The following NELL1 variants were observed in gnomAD, a reference collection of about 807,000 sequenced individuals.
NELL1 encodes the protein neural EGFL like 1, also known as protein kinase C-binding protein NELL1.
In NELL1, 76 loss-of-function variants were observed where a neutral mutation model predicts 107.4. That is an observed-to-expected ratio of 0.71 (90% CI 0.59 to 0.86). The LOEUF (loss-of-function observed/expected upper bound fraction) is 0.86. Among genes scored for constraint, NELL1 ranks in the 40% least tolerant of loss-of-function variants. The pLI is 0.00. For missense variants in NELL1, 1,024 were observed against 1,005.5 expected (o/e 1.02, Z -0.25); for synonymous variants, 353 against 341.2 (o/e 1.03, Z -0.38).
intron 2 of NELL1, among the ~76,000 whole-genome samples, chr11:20,697,887 G>T (rs951743840): frequency 2.0e-5 from 3 of 152,106 alleles, no homozygotes; most frequent in Non-Finnish European, 4.4e-5. Flanking sequence ...TCACAAAACC[G>T]TGCTTGAGGT....
In NELL1 at chr11:21,413,841, T is replaced by G. The variant is rs142249275; in HGVS notation, c.1645+42893T>G. 3.6e-4 allele frequency among the ~76,000 whole-genome samples: 55 copies of G among 152,082 alleles called. No homozygotes were observed. In the East Asian group the frequency reaches 9.9e-3, roughly 27 times the overall value. On this transcript the variant is annotated intron_variant, in intron 15 of 19. Transcript: ENST00000357134. Reference sequence around the variant, plus strand: ...CAATTTGAATCAATCCTTCCAGAGGTAAAATGCAGGCCATATTTCATCAGC... The same window carrying G: ...CAATTTGAATCAATCCTTCCAGAGGGAAAATGCAGGCCATATTTCATCAGC...
intron 13 of NELL1, among the ~76,000 whole-genome samples, chr11:21,212,150 AC>A (rs1857511096): frequency 6.6e-6 from 1 of 152,058 alleles, no homozygotes; most frequent in Non-Finnish European, 1.5e-5. Flanking sequence ...GATAGTGGCT[AC>A]CCTGGTTTGA....
chr11:21,566,290 G>GA (rs1218885878), intron 17 of NELL1, among the ~76,000 whole-genome samples: 2 of 151,008 alleles, frequency 1.3e-5, no homozygotes, highest in African/African-American at 2.4e-5. Context: ...CTCTATGGCA[G>GA]AAAAAAAATG....
intron 3 of NELL1, among the ~76,000 whole-genome samples, chr11:20,816,027 A>G (rs1590321430): frequency 6.6e-6 from 1 of 152,130 alleles, no homozygotes; most frequent in South Asian, 2.1e-4. Flanking sequence ...CTGTTTTTGT[A>G]CCAGTACCTT....
In NELL1 at chr11:20,895,037, C is replaced by T. The variant is rs902470576; in HGVS notation, c.603+9497C>T. Among the ~76,000 whole-genome samples the T allele has an allele frequency of 3.5e-4, 52 of 149,456 alleles. 2 individuals are homozygous for T. The highest frequency in any genetic ancestry group is 1.2e-3 in the African/African-American group (49 of 39,744). ...CTGTAATCCCAGCACTTTGGGAGGCCGAGGCGGGCGGATCACGAGGTCAGG... is the reference window on the plus strand; with the variant it reads ...CTGTAATCCCAGCACTTTGGGAGGCTGAGGCGGGCGGATCACGAGGTCAGG... On this transcript the variant is annotated intron_variant, in intron 5 of 19. Transcript: ENST00000357134.
At chr11:21,391,029 A>G (rs1461539973) in intron 15 of NELL1, among the ~76,000 whole-genome samples, 1 of 151,712 alleles carries the variant, frequency 6.6e-6, no homozygotes, top group Non-Finnish European at 1.5e-5. Context: ...CAGATTTTCA[A>G]TTAACTTCTT....
intron 5 of NELL1, among the ~76,000 whole-genome samples, chr11:20,894,498 C>G (rs1337219562): frequency 6.6e-6 from 1 of 152,062 alleles, no homozygotes; most frequent in African/African-American, 2.4e-5. Flanking sequence ...AGGGAATGTC[C>G]AAAAGGCCAG....
chr11:21,515,018 A>T (rs1855523792), intron 15 of NELL1, among the ~76,000 whole-genome samples: 1 of 152,168 alleles, frequency 6.6e-6, no homozygotes, highest in Admixed American at 6.5e-5. Flanking sequence ...AGGTGGTAAA[A>T]TTGAGGGTAA....
intron 11 of NELL1, among the ~76,000 whole-genome samples, chr11:20,955,011 T>C (rs181389280): frequency 1.2e-4 from 19 of 152,264 alleles, no homozygotes; most frequent in Admixed American, 1.2e-3. Flanking sequence ...ACATGTGCCG[T>C]TGAGTCAAGC....
chr11:21,317,388 G>A (rs1183181503), intron 14 of NELL1, among the ~76,000 whole-genome samples: 2 of 1,174 alleles, frequency 1.7e-3, no homozygotes, highest in Admixed American at 9.4e-3. Context: ...TTTTCCTTAG[G>A]ATATATTCAT....
chr11:21,070,639 C>T (rs1853989225), intron 12 of NELL1, among the ~76,000 whole-genome samples: 1 of 152,086 alleles, frequency 6.6e-6, no homozygotes, highest in African/African-American at 2.4e-5. Context: ...ATTTTGGCAC[C>T]TGCTATTTCT....
chr11:20,961,671 ATTT>A (rs1228458422), intron 12 of NELL1, among the ~76,000 whole-genome samples: 1 of 151,918 alleles, frequency 6.6e-6, no homozygotes, highest in Non-Finnish European at 1.5e-5. Flanking sequence ...TTATACATGG[ATTT>A]TTTTTCAACA....
chr11:21,196,299 C>T (rs982737129), intron 13 of NELL1, among the ~76,000 whole-genome samples: 2 of 152,082 alleles, frequency 1.3e-5, no homozygotes, highest in African/African-American at 2.4e-5. Context: ...GGCTTCCTAC[C>T]GTACTTAGAA....
chr11:20,941,744 G>T (rs867754973), intron 10 of NELL1, among the ~76,000 whole-genome samples: 2 of 152,076 alleles, frequency 1.3e-5, no homozygotes, highest in Non-Finnish European at 2.9e-5. Context: ...AAAATAGAAC[G>T]CGAGGCCTAG....
At chr11:20,773,955 CA>C (rs1217286874) in intron 2 of NELL1, among the ~76,000 whole-genome samples, 1 of 152,032 alleles carries the variant, frequency 6.6e-6, no homozygotes, top group Non-Finnish European at 1.5e-5. Context: ...ATGACCTAAA[CA>C]TGACCTTTTT....
At position 20,705,659 on chromosome 11, in the gene NELL1, A is replaced by G. The variant is rs991102744; in HGVS notation, c.184+27599A>G. ...GCAATGGCAACAAAAGCCAAAATTG[A>G]CAAATGGGATCTAATTAAACTAAAG... is the stretch of plus-strand genomic sequence containing the variant. On this transcript the variant is annotated intron_variant, in intron 2 of 19. Transcript: ENST00000357134. 1.8e-3 allele frequency among the ~76,000 whole-genome samples: 256 copies of G among 143,498 alleles called. 36 individuals are homozygous for G. Among genetic ancestry groups the G allele is most frequent in the African/African-American group, 6.5e-3 (245 of 37,746 alleles). 94.1% of individuals were successfully genotyped at this position (143,498 alleles called of 152,430 possible). A position where few individuals can be genotyped will look rare whatever the true frequency, so the allele number is the denominator to read the frequency against.
intron 12 of NELL1, among the ~76,000 whole-genome samples, chr11:21,023,315 C>T (rs146948828): frequency 4.9e-4 from 74 of 151,974 alleles, no homozygotes; most frequent in African/African-American, 1.7e-3. Context: ...AGCCTTAGTA[C>T]CTTAAAAAAG....
intron 3 of NELL1, among the ~76,000 whole-genome samples, chr11:20,822,799 A>G (rs1425448974): frequency 1.3e-5 from 2 of 152,200 alleles, no homozygotes; most frequent in African/African-American, 2.4e-5. Context: ...GAACGCTGGA[A>G]GATTGGAGGT....
chr11:20,886,134 T>G (rs1590380392), intron 5 of NELL1, among the ~76,000 whole-genome samples: 1 of 152,176 alleles, frequency 6.6e-6, no homozygotes, highest in East Asian at 1.9e-4. Flanking sequence ...AGCCATGGGC[T>G]GAAAAACTAT....
Sources: gnomAD v4.1 joint callset for allele counts (sites outside exome capture counted in the v4.1 genomes callset) on GRCh38, gnomAD v4.1.1 for gene constraint, MANE v1.5 for transcripts, NCBI Gene and HGNC (gene_info 2026-07-23, HGNC 2026-07-21) for gene names.